Variants in GRIN2B observed in about 807,000 individuals in gnomAD.
The protein encoded by GRIN2B is glutamate receptor ionotropic, NMDA 2B.
GRIN2B carries 5 observed loss-of-function variants against 114.5 expected under a neutral mutation model. That is an observed-to-expected ratio of 0.04 (90% CI 0.02 to 0.09). The LOEUF (loss-of-function observed/expected upper bound fraction) is 0.09, where lower values mean the gene tolerates loss of function less well. Ranked by LOEUF, GRIN2B falls within the 10% of genes least tolerant of loss-of-function variation. GRIN2B has a pLI of 1.00. For synonymous variants in GRIN2B, 787 were observed against 745.1 expected (o/e 1.06, Z -0.92); for missense variants, 1,108 against 1,943.5 (o/e 0.57, Z 8.08).
chr12:13,686,494 TTGA>T (rs1950175165), intron 4 of GRIN2B, among the ~76,000 whole-genome samples: 1 of 152,128 alleles, frequency 6.6e-6, no homozygotes, highest in Non-Finnish European at 1.5e-5. Context: ...CCTCTGTAGG[TTGA>T]TGTTTCCATG....
rs547124161 is a variant in GRIN2B at position 13,584,601 on chromosome 12, G to A, written c.2011-12637C>T. On this transcript the variant is annotated intron_variant, in intron 10 of 13. Transcript: ENST00000609686. ...CATCTCTGGTGAATAAGGAGTTAATGTGTCCTAATGCCAGTCAAGGACATC... is the reference window on the plus strand; with the variant it reads ...CATCTCTGGTGAATAAGGAGTTAATATGTCCTAATGCCAGTCAAGGACATC... Among the ~76,000 whole-genome samples the A allele has an allele frequency of 9.5e-4, 144 of 152,338 alleles. 1 individual carries two copies. Among genetic ancestry groups the A allele is most frequent in the African/African-American group, 3.2e-3 (133 of 41,586 alleles).
chr12:13,689,137 C>T (rs1950194255), intron 4 of GRIN2B, among the ~76,000 whole-genome samples: 1 of 152,166 alleles, frequency 6.6e-6, no homozygotes, highest in Non-Finnish European at 1.5e-5. Context: ...AACTCTTCTT[C>T]TAAGTGGATT....
chr12:13,765,268 T>C (rs1863760366), intron 3 of GRIN2B, among the ~76,000 whole-genome samples: 1 of 152,206 alleles, frequency 6.6e-6, no homozygotes, highest in Non-Finnish European at 1.5e-5. Flanking sequence ...GTCCAGCTCA[T>C]AGTAGGACCA....
At chr12:13,580,185 A>C (rs763192932) in intron 10 of GRIN2B, among the ~76,000 whole-genome samples, 3 of 152,218 alleles carry the variant, frequency 2.0e-5, no homozygotes, top group Non-Finnish European at 4.4e-5. Context: ...CAAGGACAAT[A>C]ATCAGAGTCA....
intron 3 of GRIN2B, among the ~76,000 whole-genome samples, chr12:13,779,251 C>T (rs892395588): frequency 6.6e-6 from 1 of 152,078 alleles, no homozygotes; most frequent in Non-Finnish European, 1.5e-5. Flanking sequence ...ACCACGTTGT[C>T]CAGGCTGGTC....
intron 2 of GRIN2B, among the ~76,000 whole-genome samples, chr12:13,975,107 A>G (rs773187383): frequency 3.9e-5 from 6 of 152,170 alleles, no homozygotes; most frequent in Non-Finnish European, 8.8e-5. Context: ...ACAAAACAAA[A>G]AAAGAAGTGC....
At chr12:13,732,339 C>A (rs1863099064) in intron 4 of GRIN2B, among the ~76,000 whole-genome samples, 2 of 152,214 alleles carry the variant, frequency 1.3e-5, no homozygotes, top group Non-Finnish European at 2.9e-5. Flanking sequence ...GTTCACAATT[C>A]CATTCAGGTC....
intron 10 of GRIN2B, among the ~76,000 whole-genome samples, chr12:13,576,990 T>A (rs1948785198): frequency 6.6e-6 from 1 of 152,220 alleles, no homozygotes; most frequent in Admixed American, 6.5e-5. Context: ...CCCCATTTCA[T>A]AGATGAGGAA....
chr12:13,850,315 A>C (rs1402141032), intron 3 of GRIN2B, among the ~76,000 whole-genome samples: 1 of 152,150 alleles, frequency 6.6e-6, no homozygotes, highest in Non-Finnish European at 1.5e-5. Flanking sequence ...CCTCACACAC[A>C]CCATGGTACA....
At chr12:13,859,633 G>T (rs1024514647) in intron 3 of GRIN2B, among the ~76,000 whole-genome samples, 1 of 152,088 alleles carries the variant, frequency 6.6e-6, no homozygotes, top group Non-Finnish European at 1.5e-5. Context: ...CTCATCGTAT[G>T]CACTGGGAAA....
At chr12:13,893,091 T>A (rs1021319769) in intron 2 of GRIN2B, among the ~76,000 whole-genome samples, 1 of 152,200 alleles carries the variant, frequency 6.6e-6, no homozygotes, top group Non-Finnish European at 1.5e-5. Context: ...TGCTTAGCAT[T>A]GATCAATGAC....
chr12:13,639,923 T>G (rs921716635), intron 5 of GRIN2B, among the ~76,000 whole-genome samples: 1 of 152,144 alleles, frequency 6.6e-6, no homozygotes, highest in African/African-American at 2.4e-5. Context: ...CACCTTCTCT[T>G]CTTCTTTTTA....
At chr12:13,640,366 T>C (rs1449877577) in intron 5 of GRIN2B, among the ~76,000 whole-genome samples, 2 of 152,154 alleles carry the variant, frequency 1.3e-5, no homozygotes, top group Non-Finnish European at 1.5e-5. Context: ...AAGTAGGACG[T>C]TCATAAGTGA....
intron 2 of GRIN2B, among the ~76,000 whole-genome samples, chr12:13,959,694 G>A (rs1027745582): frequency 4.6e-5 from 7 of 152,036 alleles, no homozygotes; most frequent in Admixed American, 4.6e-4. Flanking sequence ...CCATAGAAAT[G>A]TGTTGGCGAA....
At chr12:13,836,002 C>T (rs1865256722) in intron 3 of GRIN2B, among the ~76,000 whole-genome samples, 1 of 152,158 alleles carries the variant, frequency 6.6e-6, no homozygotes, top group African/African-American at 2.4e-5. Flanking sequence ...AGAGGCTGCC[C>T]AAGGCCCAGC....
intron 5 of GRIN2B, among the ~76,000 whole-genome samples, chr12:13,630,689 C>A (rs923907512): frequency 1.3e-5 from 2 of 152,102 alleles, no homozygotes; most frequent in South Asian, 2.1e-4. Context: ...AGATAAGTGA[C>A]CCCCTGGAGA....
At chr12:13,631,734 T>C (rs957875238) in intron 5 of GRIN2B, among the ~76,000 whole-genome samples, 24 of 152,194 alleles carry the variant, frequency 1.6e-4, no homozygotes, top group African/African-American at 5.8e-4. Context: ...GCTTGCACAG[T>C]GCTAAGTGGC....
At chr12:13,717,712 C>T (rs1591693585) in intron 4 of GRIN2B, among the ~76,000 whole-genome samples, 1 of 152,124 alleles carries the variant, frequency 6.6e-6, no homozygotes, top group Non-Finnish European at 1.5e-5. Context: ...ATCACACTAC[C>T]TATACCTTCA....
intron 4 of GRIN2B, among the ~76,000 whole-genome samples, chr12:13,685,704 C>G (rs2268108): frequency 0.2 from 29,900 of 152,088 alleles, 3,048 homozygotes; most frequent in African/African-American, 0.22. Flanking sequence ...AGTCATAAAC[C>G]ACACCTACCA....
Sources: gnomAD v4.1 joint callset for allele counts (sites outside exome capture counted in the v4.1 genomes callset) on GRCh38, gnomAD v4.1.1 for gene constraint, MANE v1.5 for transcripts, NCBI Gene and HGNC (gene_info 2026-07-23, HGNC 2026-07-21) for gene names.